Variants in IMMP2L observed in about 807,000 individuals in gnomAD.
The protein encoded by IMMP2L is mitochondrial inner membrane protease subunit 2.
Under a neutral mutation model 19.3 loss-of-function variants are expected in IMMP2L, and 18 were observed. The observed-to-expected ratio is 0.93, with a 90% CI of 0.64 to 1.38. The LOEUF (loss-of-function observed/expected upper bound fraction) is 1.38, where lower values mean the gene tolerates loss of function less well. IMMP2L is among the 40% of genes most tolerant of loss of function. The probability of loss-of-function intolerance (pLI) is 0.00; values close to 1 mark genes in which losing one functional copy is unlikely to be tolerated. For missense variants in IMMP2L, 233 were observed against 218.2 expected (o/e 1.07, Z -0.43); for synonymous variants, 76 against 73.0 (o/e 1.04, Z -0.21).
intron 5 of IMMP2L, among the ~76,000 whole-genome samples, chr7:110,846,522 C>A (rs568324998): frequency 1.3e-5 from 2 of 151,810 alleles, no homozygotes; most frequent in African/African-American, 4.8e-5. Flanking sequence ...CCTGCCACCA[C>A]GCCTGGCTAA....
rs528579010 is a variant in IMMP2L at position 111,520,328 on chromosome 7, A to C, written c.135+985T>G. Among the ~76,000 whole-genome samples the C allele has an allele frequency of 5.9e-5, 9 of 152,174 alleles. 1 individual carries two copies. Among genetic ancestry groups the C allele is most frequent in the Admixed American group, 5.9e-4 (9 of 15,270 alleles). On this transcript the variant is annotated intron_variant, in intron 2 of 5. Coordinates refer to ENST00000405709, the MANE Select transcript of IMMP2L (RefSeq NM_032549.4). Reference sequence around the variant, plus strand: ...GGCCCTAACCATGCTCAAATGATGGAAGTAGAATATAAAGGCAGTCCTGTT... The same window carrying C: ...GGCCCTAACCATGCTCAAATGATGGCAGTAGAATATAAAGGCAGTCCTGTT...
chr7:111,424,994 G>C (rs1835927129), intron 3 of IMMP2L, among the ~76,000 whole-genome samples: 1 of 151,672 alleles, frequency 6.6e-6, no homozygotes, highest in Non-Finnish European at 1.5e-5. Context: ...CTAAATCCAG[G>C]TCATTAGTCA....
chr7:111,085,625 C>A (rs1377095488), intron 3 of IMMP2L, among the ~76,000 whole-genome samples: 1 of 151,902 alleles, frequency 6.6e-6, no homozygotes, highest in East Asian at 1.9e-4. Context: ...GCACATATTT[C>A]TTTTTTTGAG....
At chr7:111,094,111 T>TG (rs1383882997) in intron 3 of IMMP2L, among the ~76,000 whole-genome samples, 3 of 152,196 alleles carry the variant, frequency 2.0e-5, no homozygotes, top group African/African-American at 7.2e-5. Context: ...TTTCGCCATG[T>TG]GATGGGTTTG....
chr7:111,411,603 T>C (rs1407215228), intron 3 of IMMP2L: 4 of 297,514 alleles, frequency 1.3e-5, no homozygotes, highest in African/African-American at 6.7e-5. Context: ...GACTTCACTA[T>C]GGATCGGGAA....
intron 2 of IMMP2L, among the ~76,000 whole-genome samples, chr7:111,503,428 C>A (rs1329808850): frequency 6.6e-6 from 1 of 152,064 alleles, no homozygotes; most frequent in Non-Finnish European, 1.5e-5. Context: ...TGAAACTATT[C>A]CAATCAATAG....
At position 110,962,656 on chromosome 7, in the gene IMMP2L, C is replaced by A. The variant is rs1479996944; in HGVS notation, c.305+844G>T. ...AATCTCATAGGCCCCCAGTGGGGATCCCCTGGGATCCTCTGGCCATGCTGT... is the reference window on the plus strand; with the variant it reads ...AATCTCATAGGCCCCCAGTGGGGATACCCTGGGATCCTCTGGCCATGCTGT... On this transcript the variant is annotated intron_variant, in intron 4 of 5. Transcript: ENST00000405709. 11 of 896,770 alleles carry A rather than the reference C, an allele frequency of 1.2e-5. No individual in the cohort carries two copies. In the East Asian group the frequency reaches 1.1e-3, roughly 93 times the overall value. 55.6% of individuals were successfully genotyped at this position (896,770 alleles called of 1,614,324 possible). A position where few individuals can be genotyped will look rare whatever the true frequency, so the allele number is the denominator to read the frequency against.
intron 5 of IMMP2L, among the ~76,000 whole-genome samples, chr7:110,726,224 A>G (rs928318100): frequency 1.3e-5 from 2 of 152,220 alleles, no homozygotes; most frequent in African/African-American, 2.4e-5. Context: ...TGATTGTGCT[A>G]TCTTCAAACA....
At chr7:111,097,315 T>C (rs1012648939) in intron 3 of IMMP2L, 1 of 151,852 alleles carries the variant, frequency 6.6e-6, no homozygotes, top group Non-Finnish European at 1.5e-5. Flanking sequence ...TCACAACACT[T>C]ACAAGTGACA....
intron 3 of IMMP2L, among the ~76,000 whole-genome samples, chr7:110,987,631 G>A (rs773650793): frequency 4.6e-5 from 7 of 152,082 alleles, no homozygotes; most frequent in Non-Finnish European, 1.0e-4. Flanking sequence ...AAAGGAGATG[G>A]GTTTATTTAC....
At chr7:111,196,293 G>A (rs898920309) in intron 3 of IMMP2L, among the ~76,000 whole-genome samples, 4 of 152,156 alleles carry the variant, frequency 2.6e-5, no homozygotes, top group Non-Finnish European at 4.4e-5. Context: ...TACGGTGCTA[G>A]CCTTTTATAC....
intron 3 of IMMP2L, among the ~76,000 whole-genome samples, chr7:111,346,999 T>C (rs1227863420): frequency 1.3e-5 from 2 of 151,870 alleles, no homozygotes; most frequent in East Asian, 3.9e-4. Flanking sequence ...CTCTGTCTCA[T>C]AAGAAATGTT....
chr7:110,817,148 A>G (rs1802596539), intron 5 of IMMP2L, among the ~76,000 whole-genome samples: 1 of 152,102 alleles, frequency 6.6e-6, no homozygotes, highest in Admixed American at 6.6e-5. Flanking sequence ...AGGGTATTCA[A>G]TTAGGAAAAG....
intron 3 of IMMP2L, among the ~76,000 whole-genome samples, chr7:111,211,827 A>T (rs1811347180): frequency 6.6e-6 from 1 of 152,034 alleles, no homozygotes; most frequent in Admixed American, 6.5e-5. Flanking sequence ...CCCCGTCTCT[A>T]CTAAAAAAAT....
At chr7:111,017,958 T>C (rs990313523) in intron 3 of IMMP2L, among the ~76,000 whole-genome samples, 2 of 152,170 alleles carry the variant, frequency 1.3e-5, no homozygotes, top group African/African-American at 4.8e-5. Context: ...TTAACAACAC[T>C]TTTTGGACAA....
At chr7:111,071,285 G>T (rs1187847823) in intron 3 of IMMP2L, among the ~76,000 whole-genome samples, 3 of 152,082 alleles carry the variant, frequency 2.0e-5, no homozygotes. Flanking sequence ...TACATAGCTG[G>T]TGGGAATGTA....
rs989268209 is a variant in IMMP2L at position 110,758,493 on chromosome 7, C to T, written c.409-94772G>A. Among the ~76,000 whole-genome samples the T allele has an allele frequency of 1.3e-5, 2 of 151,960 alleles. No individual in the cohort carries two copies. Among genetic ancestry groups the T allele is most frequent in the Non-Finnish European group, 2.9e-5 (2 of 67,972 alleles). ...AGCATAAGAATTGCTAAAGCCATGT[C>T]CTTGTAGGTGAAAGGGGATGAGTCT... On this transcript the variant is annotated intron_variant, in intron 5 of 5. Transcript: ENST00000405709. This position sits in a 1 kb window ranked among gnomAD's most constrained non-coding sequence, Gnocchi z 4.6.
chr7:111,162,183 T>G (rs1194266334), intron 3 of IMMP2L, among the ~76,000 whole-genome samples: 2 of 152,166 alleles, frequency 1.3e-5, no homozygotes, highest in Non-Finnish European at 2.9e-5. Context: ...ATCGCTAATA[T>G]GTTGTTAAAA....
At chr7:111,334,751 G>A (rs1185786534) in intron 3 of IMMP2L, among the ~76,000 whole-genome samples, 2 of 152,010 alleles carry the variant, frequency 1.3e-5, no homozygotes, top group African/African-American at 4.8e-5. Flanking sequence ...TGATGGCACT[G>A]ATTGCCCAAG....
Sources: allele counts gnomAD v4.1 joint callset (sites outside exome capture counted in the v4.1 genomes callset), GRCh38; gene constraint gnomAD v4.1.1; non-coding constraint Gnocchi (gnomAD v3.1); transcripts MANE v1.5; gene names NCBI Gene and HGNC (gene_info 2026-07-23, HGNC 2026-07-21).